The following DHRSX variants were observed in gnomAD, a reference collection of about 807,000 sequenced individuals.
DHRSX encodes dehydrogenase/reductase X-linked.
A neutral mutation model predicts 34.0 loss-of-function variants in DHRSX; 31 were observed. That is an observed-to-expected ratio of 0.91 (90% CI 0.69 to 1.23). The LOEUF (loss-of-function observed/expected upper bound fraction) is 1.23. DHRSX is among the 50% of genes most tolerant of loss of function. The probability of loss-of-function intolerance (pLI) is 0.00; values close to 1 mark genes in which losing one functional copy is unlikely to be tolerated. For synonymous variants in DHRSX, 201 were observed against 183.8 expected (o/e 1.09, Z -0.76); for missense variants, 414 against 428.1 (o/e 0.97, Z 0.29).
intron 4 of DHRSX, among the ~76,000 whole-genome samples, chrX:2,284,963 C>T (rs1160454860): frequency 6.6e-6 from 1 of 152,150 alleles, no homozygotes; most frequent in Non-Finnish European, 1.5e-5. Flanking sequence ...GTCACCCTGG[C>T]TGAGCTCAGC....
At position 2,482,129 on chromosome X, in the gene DHRSX, C is replaced by CT. The variant is rs1356975147; in HGVS notation, c.109+18687dup. On this transcript the variant is annotated intron_variant, in intron 1 of 6. Coordinates refer to ENST00000334651, the MANE Select transcript of DHRSX (RefSeq NM_145177.3). ...CACACACGTGTGCCACCACGTCTGG[C>CT]TTTTTTTTTTTTTTTAGAGACAGCA... is the stretch of plus-strand genomic sequence containing the variant. Among the ~76,000 whole-genome samples the CT allele has an allele frequency of 3.4e-3, 441 of 129,788 alleles. 8 individuals are homozygous for CT. The highest frequency in any genetic ancestry group is 8.9e-3 in the African/African-American group (297 of 33,382). The allele number at this position is 129,788 out of a possible 152,430, so 85.1% of individuals were successfully genotyped here.
chrX:2,445,652 G>C (rs754891319), intron 1 of DHRSX, among the ~76,000 whole-genome samples: 11 of 151,440 alleles, frequency 7.3e-5, no homozygotes, highest in African/African-American at 2.7e-4. Context: ...AGGGACCACC[G>C]CCATGTACAC....
chrX:2,332,567 T>C (rs2042493537), intron 3 of DHRSX, among the ~76,000 whole-genome samples: 1 of 152,142 alleles, frequency 6.6e-6, no homozygotes, highest in Non-Finnish European at 1.5e-5. Context: ...GGACTTATGT[T>C]TCCCACCCAA....
chrX:2,291,660 T>G, intron 3 of DHRSX, 57 bp from the exon 4 acceptor site: 1 of 1,344,598 alleles, frequency 7.4e-7, no homozygotes, highest in South Asian at 1.2e-5. Context: ...TTTCAGAGAT[T>G]AAGAAAATTT....
At chrX:2,297,761 A>G (rs2041951597) in intron 3 of DHRSX, among the ~76,000 whole-genome samples, 1 of 85,894 alleles carries the variant, frequency 1.2e-5, no homozygotes, top group Non-Finnish European at 3.1e-5. Context: ...TGTCTTTTTG[A>G]GTTTTTTTTT....
At chrX:2,247,704 C>G (rs781633988) in intron 5 of DHRSX, among the ~76,000 whole-genome samples, 2 of 149,898 alleles carry the variant, frequency 1.3e-5, no homozygotes, top group African/African-American at 4.9e-5. Flanking sequence ...TTCATGTATT[C>G]ATTTTTTCAT....
At chrX:2,495,556 GGATTCCCAGGT>G (rs1479414406) in intron 1 of DHRSX, among the ~76,000 whole-genome samples, 1 of 151,986 alleles carries the variant, frequency 6.6e-6, no homozygotes, top group East Asian at 1.9e-4. Context: ...GAATTCCATG[GGATTCCCAGGT>G]AAAGAACCGT....
At chrX:2,294,885 T>C (rs34787751) in intron 3 of DHRSX, among the ~76,000 whole-genome samples, 90,307 of 151,244 alleles carry the variant, frequency 0.6, 28,375 homozygotes, top group Middle Eastern at 0.76. Flanking sequence ...TGAGAGAAAG[T>C]GTGTGTTAGT....
intron 3 of DHRSX, among the ~76,000 whole-genome samples, chrX:2,304,749 G>A (rs1248533905): frequency 6.7e-6 from 1 of 150,364 alleles, no homozygotes; most frequent in Non-Finnish European, 1.5e-5. Flanking sequence ...GCAGATCCAT[G>A]AGCCAATTAA....
At chrX:2,224,731 C>T (rs760828362) in intron 6 of DHRSX, among the ~76,000 whole-genome samples, 33 of 152,162 alleles carry the variant, frequency 2.2e-4, no homozygotes, top group African/African-American at 6.0e-4. Flanking sequence ...CTCATGCATA[C>T]GCACACACAC....
chrX:2,295,425 G>C (rs760978818), intron 3 of DHRSX, among the ~76,000 whole-genome samples: 253 of 152,210 alleles, frequency 1.7e-3, no homozygotes, highest in African/African-American at 5.9e-3. Flanking sequence ...GGGCTTGCTG[G>C]GGGGTGGAGG....
chrX:2,268,349 T>C (rs1451988035), intron 4 of DHRSX, among the ~76,000 whole-genome samples: 1 of 152,264 alleles, frequency 6.6e-6, no homozygotes, highest in African/African-American at 2.4e-5. Flanking sequence ...ACATGGATAA[T>C]GTAGATGTGT....
intron 3 of DHRSX, among the ~76,000 whole-genome samples, chrX:2,325,065 C>T (rs2042362685): frequency 2.0e-5 from 3 of 151,818 alleles, no homozygotes; most frequent in Admixed American, 1.3e-4. Context: ...TGAGCCACTG[C>T]GCCCGGCAGC....
At chrX:2,486,079 G>A (rs185742316) in intron 1 of DHRSX, among the ~76,000 whole-genome samples, 18 of 152,070 alleles carry the variant, frequency 1.2e-4, no homozygotes, top group South Asian at 6.2e-4. Flanking sequence ...GATGCCATCC[G>A]GATCCATCCA....
intron 3 of DHRSX, among the ~76,000 whole-genome samples, chrX:2,354,004 T>C (rs947534531): frequency 6.6e-6 from 1 of 152,018 alleles, no homozygotes; most frequent in African/African-American, 2.4e-5. Context: ...CAAGCCCCTT[T>C]CCATGACTTT....
chrX:2,485,907 GGAAGGAAGGAAGGAAA>G (rs1231371917), intron 1 of DHRSX, among the ~76,000 whole-genome samples: 1 of 147,590 alleles, frequency 6.8e-6, no homozygotes, highest in African/African-American at 2.6e-5. Context: ...AGGATGGGAG[GGAAGGAAGGAAGGAAA>G]GAAGGAAGAA....
At chrX:2,345,778 T>C (rs2042700989) in intron 3 of DHRSX, among the ~76,000 whole-genome samples, 1 of 152,172 alleles carries the variant, frequency 6.6e-6, no homozygotes, top group Non-Finnish European at 1.5e-5. Context: ...TAATGTTACC[T>C]GAGCCAGAAG....
At chrX:2,296,103 A>C (rs2041928897) in intron 3 of DHRSX, among the ~76,000 whole-genome samples, 1 of 152,160 alleles carries the variant, frequency 6.6e-6, no homozygotes, top group South Asian at 2.1e-4. Context: ...CAACGACAGT[A>C]CCCATCATTG....
intron 3 of DHRSX, among the ~76,000 whole-genome samples, chrX:2,403,935 G>C (rs1348406655): frequency 6.6e-6 from 1 of 151,866 alleles, no homozygotes; most frequent in Non-Finnish European, 1.5e-5. Context: ...ATAAAATTAA[G>C]TTGGTGATTA....
Sources: allele counts gnomAD v4.1 joint callset (sites outside exome capture counted in the v4.1 genomes callset), GRCh38; gene constraint gnomAD v4.1.1; transcripts MANE v1.5; gene names NCBI Gene and HGNC (gene_info 2026-07-23, HGNC 2026-07-21).